The following DMD variants were observed in gnomAD, a reference collection of about 807,000 sequenced individuals.
DMD encodes dystrophin.
In DMD, 63 loss-of-function variants were observed where a neutral mutation model predicts 330.1. The ratio of observed to expected loss-of-function variants is 0.19; its 90% confidence interval spans 0.16 to 0.24. The LOEUF is 0.24. Among genes scored for constraint, DMD ranks in the 10% least tolerant of loss-of-function variants. The pLI is 1.00. For missense variants in DMD, 3,344 were observed against 2,684.1 expected, an observed-to-expected ratio of 1.25 and a Z score of -5.43; for synonymous variants, 1,223 against 959.8, an observed-to-expected ratio of 1.27 and a Z score of -5.07.
At chrX:32,711,540 C>T (rs1473213524) in intron 7 of DMD, among the ~76,000 whole-genome samples, 6 of 111,735 alleles carry the variant, frequency 5.4e-5, no homozygotes, top group East Asian at 5.6e-4. Flanking sequence ...AGAGTTCAAC[C>T]GTTAGTTGTC....
At chrX:32,501,026 A>T (rs1237824110) in intron 19 of DMD, among the ~76,000 whole-genome samples, 1 of 112,042 alleles carries the variant, frequency 8.9e-6, no homozygotes, top group Non-Finnish European at 1.9e-5. Flanking sequence ...ATTATCCCTG[A>T]TTTTCGTAAA....
At chrX:32,787,213 AGTGTGTGTGT>A (rs72078806) in intron 7 of DMD, among the ~76,000 whole-genome samples, 29 of 83,378 alleles carry the variant, frequency 3.5e-4, no homozygotes, top group Non-Finnish European at 4.8e-4. Context: ...CTCTCTGTCA[AGTGTGTGTGT>A]GTGTGTGTGT....
At chrX:32,158,770 A>C (rs764752035) in intron 44 of DMD, among the ~76,000 whole-genome samples, 1 of 111,993 alleles carries the variant, frequency 8.9e-6, no homozygotes, top group Non-Finnish European at 1.9e-5. Flanking sequence ...AAGATCACTT[A>C]CCACTACAAA....
At chrX:32,948,872 T>G (rs1327628903) in intron 2 of DMD, among the ~76,000 whole-genome samples, 1 of 111,887 alleles carries the variant, frequency 8.9e-6, no homozygotes, top group African/African-American at 3.2e-5. Context: ...ACATCATGCA[T>G]CAAAAATTAT....
intron 33 of DMD, among the ~76,000 whole-genome samples, chrX:32,384,917 T>C (rs1757090563): frequency 9.0e-6 from 1 of 111,496 alleles, no homozygotes; most frequent in Admixed American, 9.6e-5. Context: ...GATATCCGTT[T>C]ATGGAAAGAT....
chrX:31,896,477 T>C (rs902731173), intron 47 of DMD, among the ~76,000 whole-genome samples: 18 of 112,060 alleles, frequency 1.6e-4, no homozygotes, highest in East Asian at 2.8e-4. Flanking sequence ...TTGTGATGTA[T>C]GTGGTTATCT....
intron 27 of DMD, among the ~76,000 whole-genome samples, chrX:32,441,572 A>G (rs1234615761): frequency 1.8e-5 from 2 of 111,677 alleles, no homozygotes; most frequent in Non-Finnish European, 1.9e-5. Context: ...AAATAAAAAT[A>G]AGCACCAACA....
intron 44 of DMD, among the ~76,000 whole-genome samples, chrX:32,155,689 A>T (rs1278531874): frequency 9.0e-6 from 1 of 111,597 alleles, no homozygotes; most frequent in African/African-American, 3.3e-5. Context: ...TTAACAATTT[A>T]AAAAATACGG....
chrX:32,583,540 T>A (rs1333199639), intron 13 of DMD: 2 of 111,954 alleles, frequency 1.8e-5, no homozygotes, highest in African/African-American at 6.5e-5. Context: ...CATAATGCTA[T>A]AGTAATTAAA....
intron 55 of DMD, among the ~76,000 whole-genome samples, chrX:31,554,195 G>T (rs1197422967): frequency 8.9e-6 from 1 of 112,207 alleles, no homozygotes; most frequent in Non-Finnish European, 1.9e-5. Flanking sequence ...ATCTATGCGA[G>T]AAGAAGAGAA....
At chrX:31,325,429 A>C (rs1237904842) in intron 61 of DMD, among the ~76,000 whole-genome samples, 1 of 87,783 alleles carries the variant, frequency 1.1e-5, no homozygotes, top group East Asian at 3.7e-4. Context: ...AGGAAACGCT[A>C]TCTCTACTAA....
intron 2 of DMD, among the ~76,000 whole-genome samples, chrX:32,890,625 C>G (rs770164904): frequency 2.7e-5 from 3 of 111,134 alleles, no homozygotes; most frequent in African/African-American, 9.8e-5. Flanking sequence ...GTACCAGCAC[C>G]TTTTTGTTTC....
At chrX:33,127,152 C>T (rs1471893125) in intron 1 of DMD, among the ~76,000 whole-genome samples, 1 of 109,874 alleles carries the variant, frequency 9.1e-6, no homozygotes, top group African/African-American at 3.3e-5. Flanking sequence ...TGTACTTTAT[C>T]CTAACTCTTT....
intron 47 of DMD, among the ~76,000 whole-genome samples, chrX:31,897,817 A>T (rs2094365006): frequency 9.2e-6 from 1 of 108,218 alleles, no homozygotes; most frequent in African/African-American, 3.4e-5. Context: ...TAGATTCTGG[A>T]TATTAGCCCT....
At chrX:33,110,690 A>G (rs767313824) in intron 1 of DMD, among the ~76,000 whole-genome samples, 2 of 111,337 alleles carry the variant, frequency 1.8e-5, no homozygotes, top group South Asian at 3.8e-4. Flanking sequence ...TTTTTTTCCT[A>G]TCATGGTTCA....
chrX:33,049,881 C>A (rs981878756), intron 1 of DMD, among the ~76,000 whole-genome samples: 1 of 111,550 alleles, frequency 9.0e-6, no homozygotes, highest in African/African-American at 3.3e-5. Context: ...TATGTAAATT[C>A]AATATAATTG....
chrX:32,432,622 T>C (rs1055285550), intron 29 of DMD, among the ~76,000 whole-genome samples: 4 of 112,081 alleles, frequency 3.6e-5, no homozygotes, highest in African/African-American at 1.3e-4. Flanking sequence ...GATTTAAGTT[T>C]GATGTTGCTT....
At chrX:32,767,348 A>G (rs765198547) in intron 7 of DMD, among the ~76,000 whole-genome samples, 8 of 111,054 alleles carry the variant, frequency 7.2e-5, no homozygotes, top group African/African-American at 2.6e-4. Context: ...ATCTCCATTT[A>G]TGAATTATTC....
intron 2 of DMD, among the ~76,000 whole-genome samples, chrX:32,890,125 AT>A (rs1218324073): frequency 2.7e-5 from 3 of 111,625 alleles, no homozygotes; most frequent in African/African-American, 9.8e-5. Flanking sequence ...CAAACCGGTA[AT>A]AAATCAGACA....
Sources: gnomAD v4.1 joint callset for allele counts (sites outside exome capture counted in the v4.1 genomes callset) on GRCh38, gnomAD v4.1.1 for gene constraint, MANE v1.5 for transcripts, NCBI Gene and HGNC (gene_info 2026-07-23, HGNC 2026-07-21) for gene names.